The following AVL9 variants were observed in gnomAD, a reference collection of about 807,000 sequenced individuals.
The protein encoded by AVL9 is late secretory pathway protein AVL9 homolog.
A neutral mutation model predicts 79.2 loss-of-function variants in AVL9; 49 were observed. The ratio of observed to expected loss-of-function variants is 0.62; its 90% CI spans 0.49 to 0.79. AVL9 has a LOEUF of 0.79. Among genes scored for constraint, AVL9 ranks in the 30% least tolerant of loss-of-function variants. The pLI, the probability that AVL9 is intolerant of heterozygous loss-of-function variation, is 0.00. For synonymous variants in AVL9, 299 were observed against 280.6 expected (o/e 1.07, Z -0.65); for missense variants, 682 against 776.8 (o/e 0.88, Z 1.45).
intron 1 of AVL9, among the ~76,000 whole-genome samples, chr7:32,509,551 C>T (rs1358525207): frequency 6.6e-6 from 1 of 152,064 alleles, no homozygotes; most frequent in Non-Finnish European, 1.5e-5. Flanking sequence ...AAACCAGTTC[C>T]AAAGGTAGAG....
intron 1 of AVL9, among the ~76,000 whole-genome samples, chr7:32,499,387 T>G (rs1346297087): frequency 1.3e-5 from 2 of 152,072 alleles, no homozygotes; most frequent in African/African-American, 2.4e-5. Flanking sequence ...AGGTTAGAAC[T>G]TTTTTAACTA....
chr7:32,553,791 T>C (rs996884267), intron 7 of AVL9, 24 bp downstream of exon 7: 2 of 1,581,770 alleles, frequency 1.3e-6, no homozygotes, highest in Admixed American at 1.7e-5. Context: ...TTTAAATAAA[T>C]TTATGATGTA....
intron 1 of AVL9, chr7:32,532,999 G>A (rs1788733475): frequency 6.7e-6 from 1 of 149,390 alleles, no homozygotes; most frequent in Non-Finnish European, 1.5e-5. Flanking sequence ...TTGAGTGACA[G>A]AGCAAGACCC....
At chr7:32,558,487 T>C in intron 8 of AVL9, 72 bp from the exon 9 acceptor site, 1 of 1,203,974 alleles carries the variant, frequency 8.3e-7, no homozygotes, top group Non-Finnish European at 1.2e-6. Flanking sequence ...AATTTTTCCC[T>C]CTTTTTTATT....
chr7:32,576,290 A>G (rs1791095675), intron 13 of AVL9, among the ~76,000 whole-genome samples: 1 of 152,164 alleles, frequency 6.6e-6, no homozygotes. Context: ...AAGCACTAAC[A>G]TTTCCCTGGC....
intron 1 of AVL9, among the ~76,000 whole-genome samples, chr7:32,541,620 C>A (rs1789211617): frequency 6.6e-6 from 1 of 152,000 alleles, no homozygotes; most frequent in Admixed American, 6.6e-5. Flanking sequence ...AGAAAATTGT[C>A]CAACAAAGCA....
At position 32,503,365 on chromosome 7, in the gene AVL9, T is replaced by TACACACAC. The variant is rs796351504; in HGVS notation, c.93+7564_93+7565insCACACACA. 1.5e-3 allele frequency among the ~76,000 whole-genome samples: 159 copies of TACACACAC among 103,104 alleles called. 1 individual carries two copies. Among genetic ancestry groups the TACACACAC allele is most frequent in the Middle Eastern group, 9.7e-3 (2 of 206 alleles). The allele number at this position is 103,104 out of a possible 152,430, so 67.6% of individuals were successfully genotyped here. On this transcript the variant is annotated intron_variant, in intron 1 of 15. Transcript: ENST00000318709. ...ATATAGATATAGATATAGAGAGATA[T>TACACACAC]ATATATATACACACACACACACACA... is the stretch of plus-strand genomic sequence containing the variant.
intron 1 of AVL9, chr7:32,539,255 AAAAG>A (rs755543920): frequency 6.6e-6 from 1 of 152,322 alleles, no homozygotes; most frequent in Non-Finnish European, 1.5e-5. Context: ...ATCTCAAAAA[AAAAG>A]AAAAGGAAAA....
intron 6 of AVL9, among the ~76,000 whole-genome samples, chr7:32,552,884 A>T (rs1193313059): frequency 6.6e-6 from 1 of 152,210 alleles, no homozygotes; most frequent in African/African-American, 2.4e-5. Flanking sequence ...ATGAAGCAAG[A>T]TAGAAAGCTG....
chr7:32,574,781 C>A (rs1023786207), intron 12 of AVL9, among the ~76,000 whole-genome samples: 1 of 151,944 alleles, frequency 6.6e-6, no homozygotes, highest in Non-Finnish European at 1.5e-5. Flanking sequence ...CATACTCTTA[C>A]AAGTAACAAG....
At chr7:32,566,383 G>A (rs1394958712) in intron 10 of AVL9, among the ~76,000 whole-genome samples, 2 of 149,376 alleles carry the variant, frequency 1.3e-5, no homozygotes, top group African/African-American at 4.9e-5. Context: ...TGTCCAGGCT[G>A]GTCTTGAACT....
At chr7:32,573,533 A>C in intron 12 of AVL9, 115 bp downstream of exon 12, 1 of 933,402 alleles carries the variant, frequency 1.1e-6, no homozygotes, top group South Asian at 1.8e-5. Flanking sequence ...AAAAATTACC[A>C]GTTATTCCCT....
Position 32,558,559 on chromosome 7 carries a change from GTTCT to G in AVL9, c.613_616del (p.Leu205PhefsTer6). On this transcript the variant is annotated frameshift_variant and splice_region_variant, in exon 9 of 16. Coordinates refer to ENST00000318709, the MANE Select transcript of AVL9 (RefSeq NM_015060.3). LOFTEE classifies it high-confidence loss of function. ...TTGATTTTGATTGACTCCATTCCAG[GTTCT>G]TTTTTATATTTCTCCAGTGAATAAA... 6.2e-7 allele frequency: 1 copy of G among 1,607,284 alleles called. No homozygotes were observed. Among genetic ancestry groups the G allele is most frequent in the Non-Finnish European group, 8.5e-7 (1 of 1,176,644 alleles).
At chr7:32,547,546 C>T (rs1166485511) in intron 3 of AVL9, among the ~76,000 whole-genome samples, 2 of 152,206 alleles carry the variant, frequency 1.3e-5, no homozygotes, top group African/African-American at 2.4e-5. Context: ...GCTGTTTTAA[C>T]AGCCCTCGTG....
At chr7:32,538,560 ATGG>A (rs1789025075) in intron 1 of AVL9, 1 of 137,386 alleles carries the variant, frequency 7.3e-6, no homozygotes, top group East Asian at 2.4e-4. Flanking sequence ...TCAAAACAAA[ATGG>A]TGGCGATTTT....
chr7:32,570,037 T>G lies in AVL9; in HGVS notation c.1233T>G (p.Pro411=). 6.2e-7 allele frequency: 1 copy of G among 1,614,204 alleles called. No individual in the cohort carries two copies. Among genetic ancestry groups the G allele is most frequent in the Non-Finnish European group, 8.5e-7 (1 of 1,180,016 alleles). The stretch of plus-strand genomic sequence containing the variant: ...ATTCATAGGGATATCTGTGTTTGCC[T>G]TACATGGCATTGCAGCAGCATCATC... ...AIFTKGYLCL[P]YMALQQHHLL... is the part of the protein sequence containing the mutation. The change falls in exon 11 of 16, where the codon CCT becomes CCG. Residue 411 remains proline, a synonymous_variant. Transcript: ENST00000318709.
intron 10 of AVL9, among the ~76,000 whole-genome samples, chr7:32,565,536 G>T (rs1431727141): frequency 7.2e-6 from 1 of 137,936 alleles, no homozygotes; most frequent in African/African-American, 2.8e-5. Context: ...TCCAGCCAGG[G>T]CAACAAGAGC....
In AVL9 at chr7:32,585,743, G is replaced by C. The variant is rs559649492; in HGVS notation, c.*1836G>C. ...CATTTGAGCATAACTCAAGAATTCA[G>C]CGATGATAAATTGAAGGGCTGAATG... On this transcript the variant is annotated 3_prime_UTR_variant, in exon 16 of 16. Transcript: ENST00000318709. The C allele has an allele frequency of 1.3e-5, 2 of 152,278 alleles. No homozygotes were observed. Among genetic ancestry groups the C allele is most frequent in the African/African-American group, 4.8e-5 (2 of 41,562 alleles). 9.4% of individuals were successfully genotyped at this position (152,278 alleles called of 1,614,324 possible).
chr7:32,568,255 C>T (rs192967229), intron 10 of AVL9, among the ~76,000 whole-genome samples: 130 of 150,464 alleles, frequency 8.6e-4, no homozygotes, highest in African/African-American at 3.0e-3. Context: ...GGCTGGAGTA[C>T]GATGGTGCCA....
Sources: allele counts gnomAD v4.1 joint callset (sites outside exome capture counted in the v4.1 genomes callset), GRCh38; gene constraint gnomAD v4.1.1; transcripts MANE v1.5; gene names NCBI Gene and HGNC (gene_info 2026-07-23, HGNC 2026-07-21).